Variants in ZNF469 observed in about 807,000 individuals in gnomAD.
ZNF469 encodes zinc finger protein 469.
In ZNF469, 1 loss-of-function variant was observed where a neutral mutation model predicts 1.0. That is an observed-to-expected ratio of 1.00 (90% CI 0.35 to 4.73). The LOEUF (loss-of-function observed/expected upper bound fraction) is 4.73. ZNF469 is among the 30% of genes most tolerant of loss of function. The pLI, the probability that ZNF469 is intolerant of heterozygous loss-of-function variation, is 0.16. For missense variants in ZNF469, 6,100 were observed against 5,356.3 expected, an observed-to-expected ratio of 1.14 and a Z score of -4.33; for synonymous variants, 2,703 against 2,363.4, an observed-to-expected ratio of 1.14 and a Z score of -4.17.
the ZNF469 span, among the ~76,000 whole-genome samples, chr16:88,310,073 G>A: frequency 9.9e-5 from 15 of 152,194 alleles, no homozygotes; most frequent in South Asian, 2.1e-4. Context: ...GAGGGAGGGC[G>A]CTATGGGGAG....
chr16:88,154,219 G>A, the ZNF469 span, among the ~76,000 whole-genome samples: 12 of 152,188 alleles, frequency 7.9e-5, no homozygotes, highest in Non-Finnish European at 1.6e-4. Context: ...GTGCAGTGGC[G>A]TGATCTCGGC....
chr16:88,316,046 G>A, the ZNF469 span, among the ~76,000 whole-genome samples: 1 of 152,210 alleles, frequency 6.6e-6, no homozygotes, highest in African/African-American at 2.4e-5. Flanking sequence ...CCTGGACCAC[G>A]CGTCACCAGG....
At chr16:88,285,259 A>C in the ZNF469 span, among the ~76,000 whole-genome samples, 451 of 152,332 alleles carry the variant, frequency 3.0e-3, 1 homozygote, top group African/African-American at 0.01. Flanking sequence ...CAATGGAGCT[A>C]TTCTGGGTAC....
chr16:88,439,380 G>T lies in ZNF469; in HGVS notation c.*48G>T, dbSNP rs535536089. 5.2e-6 allele frequency: 8 copies of T among 1,546,284 alleles called. No individual in the cohort carries two copies. The East Asian group carries it at 2.0e-4, about 38-fold the overall frequency. On this transcript the variant is annotated 3_prime_UTR_variant, in exon 3 of 3. Coordinates refer to ENST00000565624, the MANE Select transcript of ZNF469 (RefSeq NM_001367624.2). ...ACCGGAGCTGGGCGTTCCTGTCTCGGCCTGCCTCCTTGGCCAGCTCCGGCT... is the reference window on the plus strand; with the variant it reads ...ACCGGAGCTGGGCGTTCCTGTCTCGTCCTGCCTCCTTGGCCAGCTCCGGCT...
rs1490617785 is a variant in ZNF469 at position 88,409,888 on chromosome 16, G to A, written c.-191-14919G>A. On this transcript the variant is annotated intron_variant, in intron 1 of 2. Transcript: ENST00000565624. ...GGCCGGGGGGGGGGGGGGGGGGCGC[G>A]GGGCGTTCCAGGGCTCTGGGTGGGG... Among the ~76,000 whole-genome samples, 4 of 139,456 alleles carry A rather than the reference G, an allele frequency of 2.9e-5. 1 individual carries two copies. The highest frequency in any genetic ancestry group is 2.1e-4 in the East Asian group (1 of 4,686). The allele number at this position is 139,456 out of a possible 152,430, so 91.5% of individuals were successfully genotyped here. A position where few individuals can be genotyped will look rare whatever the true frequency, so the allele number is the denominator to read the frequency against.
In ZNF469 at chr16:88,438,975, G is replaced by A; in HGVS notation, c.11505G>A (p.Gly3835=). Residue 3835 remains glycine, a synonymous_variant, in exon 3 of 3, where the codon GGG becomes GGA. Coordinates refer to ENST00000565624, the MANE Select transcript of ZNF469 (RefSeq NM_001367624.2). ...PARSESVGSF[G]RAPSAPDKPP... ...GGAGTGAAAGTGTGGGGAGCTTCGGGAGAGCCCCCTCAGCCCCTGACAAGC... is the reference window on the plus strand; with the variant it reads ...GGAGTGAAAGTGTGGGGAGCTTCGGAAGAGCCCCCTCAGCCCCTGACAAGC... The A allele has an allele frequency of 1.3e-6, 2 of 1,550,462 alleles. No homozygotes were observed. Among genetic ancestry groups the A allele is most frequent in the Non-Finnish European group, 1.7e-6 (2 of 1,146,976 alleles).
chr16:88,345,356 C>T, the ZNF469 span, among the ~76,000 whole-genome samples: 2 of 152,224 alleles, frequency 1.3e-5, no homozygotes, highest in African/African-American at 2.4e-5. Flanking sequence ...TATCAAAAAA[C>T]CAGATTTTTA....
chr16:88,123,841 T>C, the ZNF469 span, among the ~76,000 whole-genome samples: 55 of 152,374 alleles, frequency 3.6e-4, no homozygotes, highest in Admixed American at 1.4e-3. Flanking sequence ...TTCACTCTTG[T>C]TGCCCAGGCT....
At chr16:88,316,949 C>T in the ZNF469 span, among the ~76,000 whole-genome samples, 4 of 152,184 alleles carry the variant, frequency 2.6e-5, no homozygotes, top group Non-Finnish European at 5.9e-5. Context: ...CCAGATCCCA[C>T]GCGCTCTCCA....
At chr16:88,221,507 G>A in the ZNF469 span, among the ~76,000 whole-genome samples, 32 of 152,216 alleles carry the variant, frequency 2.1e-4, no homozygotes, top group Non-Finnish European at 5.9e-5. Context: ...TCAGGGGGAC[G>A]GGAAGCCTTC....
chr16:88,113,720 C>T, the ZNF469 span, among the ~76,000 whole-genome samples: 5 of 152,310 alleles, frequency 3.3e-5, no homozygotes, highest in Non-Finnish European at 4.4e-5. Context: ...CTGGGACAGG[C>T]GGTGCAGGGC....
the ZNF469 span, among the ~76,000 whole-genome samples, chr16:88,160,270 T>C: frequency 6.6e-6 from 1 of 152,210 alleles, no homozygotes; most frequent in Non-Finnish European, 1.5e-5. Flanking sequence ...CTGGAGACTT[T>C]GGTGGGCAAG....
intron 1 of ZNF469, among the ~76,000 whole-genome samples, chr16:88,414,337 C>T (rs140909293): frequency 1.3e-5 from 2 of 152,358 alleles, no homozygotes; most frequent in South Asian, 2.1e-4. Flanking sequence ...CATCGGGAAA[C>T]GGGAACAAAC....
chr16:88,392,566 C>T (rs1333929772), intron 1 of ZNF469, among the ~76,000 whole-genome samples: 1 of 152,218 alleles, frequency 6.6e-6, no homozygotes, highest in Non-Finnish European at 1.5e-5. Flanking sequence ...GAGTGGAAAT[C>T]AGTGGGGCAG....
At chr16:88,249,993 C>T in the ZNF469 span, among the ~76,000 whole-genome samples, 4 of 152,252 alleles carry the variant, frequency 2.6e-5, no homozygotes, top group Non-Finnish European at 5.9e-5. Flanking sequence ...GTTGGCTCCT[C>T]AAGTGAAAAT....
the ZNF469 span, among the ~76,000 whole-genome samples, chr16:88,284,711 G>A: frequency 4.6e-5 from 7 of 152,152 alleles, no homozygotes; most frequent in Admixed American, 4.6e-4. Context: ...GAGAGCAGCA[G>A]GTGCTAAGGG....
the ZNF469 span, among the ~76,000 whole-genome samples, chr16:88,309,152 C>T: frequency 3.3e-5 from 5 of 152,238 alleles, no homozygotes; most frequent in Admixed American, 6.5e-5. Context: ...CTGCCCTGTG[C>T]GTGTTGCCCA....
chr16:88,105,553 C>G, the ZNF469 span, among the ~76,000 whole-genome samples: 1 of 152,186 alleles, frequency 6.6e-6, no homozygotes, highest in African/African-American at 2.4e-5. Context: ...AATCCACCTG[C>G]CTCGGCCTCC....
chr16:88,430,507 C>T lies in ZNF469; in HGVS notation c.3037C>T (p.Pro1013Ser), dbSNP rs1172272488. The T allele has an allele frequency of 1.4e-6, 2 of 1,424,782 alleles. No individual in the cohort carries two copies. The highest frequency in any genetic ancestry group is 1.5e-5 in the African/African-American group (1 of 66,132). The allele number at this position is 1,424,782 out of a possible 1,614,324, so 88.3% of individuals were successfully genotyped here. Residue 1013 changes from proline (P) to serine (S), a missense_variant, in exon 3 of 3, where the codon CCG becomes TCG. Physicochemically the swap from Pro to Ser is moderately conservative, Grantham distance 74. Coordinates refer to ENST00000565624, the MANE Select transcript of ZNF469 (RefSeq NM_001367624.2). Reference protein sequence around the residue: ...GSRADPAPRVPRAAALPEETR... With the variant: ...GSRADPAPRVSRAAALPEETR... ...CCGCGCAGACCCCGCGCCCCGGGTCCCGAGAGCCGCCGCCCTCCCCGAGGA... is the reference window on the plus strand; with the variant it reads ...CCGCGCAGACCCCGCGCCCCGGGTCTCGAGAGCCGCCGCCCTCCCCGAGGA...
Sources: gnomAD v4.1 joint callset for allele counts (sites outside exome capture counted in the v4.1 genomes callset) on GRCh38, gnomAD v4.1.1 for gene constraint, MANE v1.5 for transcripts, NCBI Gene and HGNC (gene_info 2026-07-23, HGNC 2026-07-21) for gene names.